SLC35F4: variants seen among roughly 807,000 people sequenced by gnomAD.
The protein encoded by SLC35F4 is solute carrier family 35 member F4.
SLC35F4 carries 24 observed loss-of-function variants against 44.2 expected under a neutral mutation model. The ratio of observed to expected loss-of-function variants is 0.54; its 90% CI spans 0.39 to 0.76. The LOEUF (loss-of-function observed/expected upper bound fraction) is 0.76. SLC35F4 is among the 30% of genes least tolerant of loss of function. The pLI is 0.00. For synonymous variants in SLC35F4, 238 were observed against 223.6 expected, an observed-to-expected ratio of 1.06 and a Z score of -0.57; for missense variants, 562 against 586.1, an observed-to-expected ratio of 0.96 and a Z score of 0.42.
intron 1 of SLC35F4, among the ~76,000 whole-genome samples, chr14:57,658,569 A>C (rs1016529454): frequency 6.6e-6 from 1 of 152,212 alleles, no homozygotes; most frequent in Non-Finnish European, 1.5e-5. Flanking sequence ...GTCAGGTTCC[A>C]AGGGACTTTC....
intron 1 of SLC35F4, chr14:57,596,792 T>A: frequency 7.3e-7 from 1 of 1,367,524 alleles, no homozygotes; most frequent in Non-Finnish European, 9.8e-7. Flanking sequence ...TGTCCTGGCT[T>A]CCATACCTCC....
chr14:57,739,116 G>A (rs2076541546), intron 1 of SLC35F4, among the ~76,000 whole-genome samples: 1 of 152,156 alleles, frequency 6.6e-6, no homozygotes. Context: ...ATGCTGCCAA[G>A]AGGTGTAACT....
chr14:57,623,208 A>G (rs1346329224), intron 1 of SLC35F4, among the ~76,000 whole-genome samples: 1 of 152,242 alleles, frequency 6.6e-6, no homozygotes, highest in Non-Finnish European at 1.5e-5. Context: ...ATCAAAAAAG[A>G]CAAAGAAGGG....
chr14:57,640,716 A>G (rs533144260), intron 1 of SLC35F4, among the ~76,000 whole-genome samples: 2 of 152,182 alleles, frequency 1.3e-5, no homozygotes, highest in South Asian at 4.1e-4. Flanking sequence ...ATCATTTTGG[A>G]TAGCATATTT....
chr14:57,855,016 C>T (rs955267462), intron 1 of SLC35F4, among the ~76,000 whole-genome samples: 4 of 152,132 alleles, frequency 2.6e-5, no homozygotes, highest in Admixed American at 1.3e-4. Context: ...CATTTACTTA[C>T]AAGCAAAAAG....
intron 1 of SLC35F4, among the ~76,000 whole-genome samples, chr14:57,632,992 T>C (rs1248689540): frequency 2.6e-5 from 4 of 152,152 alleles, no homozygotes; most frequent in African/African-American, 7.2e-5. Flanking sequence ...ATGCAGTATA[T>C]AGACTTCTCA....
intron 1 of SLC35F4, among the ~76,000 whole-genome samples, chr14:57,894,653 T>C (rs187819501): frequency 1.3e-5 from 2 of 152,278 alleles, no homozygotes; most frequent in Admixed American, 1.3e-4. Context: ...TTCTAAAATG[T>C]ATTGCAGAAT....
intron 1 of SLC35F4, among the ~76,000 whole-genome samples, chr14:57,763,488 C>T (rs76807412): frequency 0.019 from 2,829 of 152,202 alleles, 47 homozygotes; most frequent in Non-Finnish European, 0.029. Context: ...GGTTTTGTAA[C>T]TTAAGATTAC....
At chr14:57,966,616 G>A (rs1164654781) in intron 1 of SLC35F4, among the ~76,000 whole-genome samples, 2 of 152,152 alleles carry the variant, frequency 1.3e-5, no homozygotes, top group Non-Finnish European at 2.9e-5. Context: ...GCACTTCTTA[G>A]AAATTAAAAA....
chr14:57,759,899 T>G (rs1368714983), intron 1 of SLC35F4, among the ~76,000 whole-genome samples: 2 of 151,388 alleles, frequency 1.3e-5, no homozygotes, highest in Admixed American at 1.3e-4. Context: ...TTTTGTTTGC[T>G]TTTTGCTATC....
chr14:57,770,438 C>T (rs116083229), intron 1 of SLC35F4, among the ~76,000 whole-genome samples: 2,670 of 152,252 alleles, frequency 0.018, 69 homozygotes, highest in African/African-American at 0.06. Context: ...GTCAGAAATA[C>T]TGTATTTTCA....
At chr14:57,633,511 T>A (rs1775881218) in intron 1 of SLC35F4, among the ~76,000 whole-genome samples, 1 of 152,232 alleles carries the variant, frequency 6.6e-6, no homozygotes, top group South Asian at 2.1e-4. Context: ...TTTAAAAAAC[T>A]TTTTATTTTT....
chr14:57,752,342 C>T (rs1175945011), intron 1 of SLC35F4, among the ~76,000 whole-genome samples: 5 of 152,194 alleles, frequency 3.3e-5, no homozygotes, highest in Non-Finnish European at 7.3e-5. Flanking sequence ...CTTATTAACA[C>T]CCTCTCCACC....
At chr14:57,600,691 C>CAAGAAAAA (rs2070767911) in intron 1 of SLC35F4, among the ~76,000 whole-genome samples, 1 of 55,404 alleles carries the variant, frequency 1.8e-5, no homozygotes, top group Non-Finnish European at 3.1e-5. Flanking sequence ...GACTCCATCT[C>CAAGAAAAA]AAAAAAAAAA....
chr14:57,969,588 G>C (rs1880992433), intron 1 of SLC35F4, among the ~76,000 whole-genome samples: 1 of 152,078 alleles, frequency 6.6e-6, no homozygotes, highest in Non-Finnish European at 1.5e-5. Flanking sequence ...AGGCACACAA[G>C]TATTCTGCAT....
At chr14:57,620,730 GAAGGGTTGTTGAATTTTGTCA>G (rs2072131035) in intron 1 of SLC35F4, among the ~76,000 whole-genome samples, 1 of 152,164 alleles carries the variant, frequency 6.6e-6, no homozygotes, top group Non-Finnish European at 1.5e-5. Context: ...TTTTTAGCAT[GAAGGGTTGTTGAATTTTGTCA>G]AAGGCAAGAC....
At chr14:57,857,180 G>C (rs189829522) in intron 1 of SLC35F4, among the ~76,000 whole-genome samples, 1 of 151,980 alleles carries the variant, frequency 6.6e-6, no homozygotes, top group East Asian at 1.9e-4. Flanking sequence ...GGGAGGTGGA[G>C]ACAGGAGAAT....
intron 1 of SLC35F4, among the ~76,000 whole-genome samples, chr14:57,882,311 C>T (rs746680130): frequency 1.3e-5 from 2 of 152,192 alleles, no homozygotes; most frequent in Non-Finnish European, 2.9e-5. Flanking sequence ...TTTCAGAATC[C>T]AGGTGAAAAT....
chr14:57,980,954 T>C (rs937550730), intron 1 of SLC35F4, among the ~76,000 whole-genome samples: 2 of 152,100 alleles, frequency 1.3e-5, no homozygotes, highest in African/African-American at 4.8e-5. Context: ...GCCTAGAGTG[T>C]TGTCAACAAC....
Sources: gnomAD v4.1 joint callset for allele counts (sites outside exome capture counted in the v4.1 genomes callset) on GRCh38, gnomAD v4.1.1 for gene constraint, MANE v1.5 for transcripts, NCBI Gene and HGNC (gene_info 2026-07-23, HGNC 2026-07-21) for gene names.